ANK3: variants seen among roughly 807,000 people sequenced by gnomAD.
ANK3 encodes ankyrin 3.
In ANK3, 57 loss-of-function variants were observed where a neutral mutation model predicts 370.9. That is an observed-to-expected ratio of 0.15 (90% CI 0.12 to 0.19). The LOEUF (loss-of-function observed/expected upper bound fraction) is 0.19. ANK3 is among the 10% of genes least tolerant of loss of function. ANK3 has a pLI of 1.00. For missense variants in ANK3, 4,439 were observed against 5,302.1 expected (o/e 0.84, Z 5.06); for synonymous variants, 1,929 against 1,946.3 (o/e 0.99, Z 0.23).
chr10:60,609,478 G>A (rs1396438397), intron 2 of ANK3, among the ~76,000 whole-genome samples: 1 of 152,016 alleles, frequency 6.6e-6, no homozygotes, highest in African/African-American at 2.4e-5. Context: ...GACAATAGAT[G>A]TAGATGTGAC....
chr10:60,371,152 A>T (rs927711081), intron 1 of ANK3, among the ~76,000 whole-genome samples: 1 of 151,834 alleles, frequency 6.6e-6, no homozygotes, highest in Non-Finnish European at 1.5e-5. Context: ...AGTTTTCAAG[A>T]CTCCTTCAAT....
intron 23 of ANK3, chr10:60,146,069 T>C: frequency 3.9e-6 from 6 of 1,528,874 alleles, no homozygotes; most frequent in Non-Finnish European, 5.2e-6. Flanking sequence ...AAACAAAATA[T>C]AGGGACCACA....
chr10:60,209,380 G>T lies in ANK3; in HGVS notation c.997-1147C>A, dbSNP rs193196243. 6.9e-4 allele frequency among the ~76,000 whole-genome samples: 105 copies of T among 152,228 alleles called. No individual in the cohort carries two copies. In the South Asian group the frequency reaches 9.8e-3, roughly 14 times the overall value. On this transcript the variant is annotated intron_variant, in intron 9 of 43. Coordinates refer to ENST00000280772, the MANE Select transcript of ANK3 (RefSeq NM_020987.5). ...TTTATCAATGGATGACACAAAGAAG[G>T]AGTTCAAGATAAGAAAAAGTAGTAT...
chr10:60,400,361 CA>C (rs1193801868), intron 2 of ANK3, among the ~76,000 whole-genome samples: 1 of 152,088 alleles, frequency 6.6e-6, no homozygotes, highest in East Asian at 1.9e-4. Context: ...GGCTTCCAAC[CA>C]AAATCTTTTA....
chr10:60,290,961 A>T (rs181340849), intron 1 of ANK3, among the ~76,000 whole-genome samples: 1 of 152,204 alleles, frequency 6.6e-6, no homozygotes, highest in East Asian at 1.9e-4. Flanking sequence ...CAGTCTGTCC[A>T]CTATGATCTG....
intron 1 of ANK3, among the ~76,000 whole-genome samples, chr10:60,324,079 TAGA>T (rs781295943): frequency 2.0e-5 from 3 of 152,078 alleles, no homozygotes; most frequent in Non-Finnish European, 2.9e-5. Flanking sequence ...AGGTAGTAAC[TAGA>T]AGAAGACAGG....
chr10:60,673,620 G>C (rs1161219400), intron 1 of ANK3, among the ~76,000 whole-genome samples: 1 of 152,188 alleles, frequency 6.6e-6, no homozygotes, highest in Admixed American at 6.5e-5. Context: ...CCAAGGTGCT[G>C]GGATTACAGG....
chr10:60,681,970 A>G (rs1030607264), intron 1 of ANK3, among the ~76,000 whole-genome samples: 1 of 152,104 alleles, frequency 6.6e-6, no homozygotes, highest in Non-Finnish European at 1.5e-5. Context: ...TGGACAATAT[A>G]GCAAGACTCC....
intron 2 of ANK3, among the ~76,000 whole-genome samples, chr10:60,483,458 G>T (rs1029041877): frequency 2.0e-5 from 3 of 152,000 alleles, no homozygotes; most frequent in Non-Finnish European, 4.4e-5. Context: ...AACCCTTGCC[G>T]CCCATTTTCT....
At chr10:60,176,368 CAAAAAA>C (rs752384374) in intron 18 of ANK3, among the ~76,000 whole-genome samples, 1 of 102,352 alleles carries the variant, frequency 9.8e-6, no homozygotes, top group East Asian at 2.9e-4. Flanking sequence ...CTCTGTCTCC[CAAAAAA>C]AAAAAAAAAA....
At chr10:60,330,233 CT>C (rs558805431) in intron 1 of ANK3, among the ~76,000 whole-genome samples, 94 of 152,284 alleles carry the variant, frequency 6.2e-4, no homozygotes, top group African/African-American at 2.1e-3. Flanking sequence ...TGGGCGAAGA[CT>C]TCATGACCAA....
chr10:60,386,571 A>G (rs2062361665), intron 1 of ANK3, among the ~76,000 whole-genome samples: 1 of 151,544 alleles, frequency 6.6e-6, no homozygotes, highest in South Asian at 2.1e-4. Context: ...TCATGTACTC[A>G]TGATTAACAT....
chr10:60,114,971 T>C (rs1032176754), intron 25 of ANK3, among the ~76,000 whole-genome samples: 1 of 152,156 alleles, frequency 6.6e-6, no homozygotes, highest in Non-Finnish European at 1.5e-5. Flanking sequence ...GGGGTCACTG[T>C]TGTTGAACAG....
intron 1 of ANK3, among the ~76,000 whole-genome samples, chr10:60,297,187 C>T (rs951192608): frequency 3.9e-5 from 6 of 152,058 alleles, no homozygotes; most frequent in East Asian, 1.9e-4. Flanking sequence ...TTCTGAAAAG[C>T]GATTTTTACA....
At chr10:60,336,634 T>G (rs567033130) in intron 1 of ANK3, among the ~76,000 whole-genome samples, 6 of 152,190 alleles carry the variant, frequency 3.9e-5, no homozygotes, top group Non-Finnish European at 2.9e-5. Flanking sequence ...CTATATTTTC[T>G]AAAATGAATG....
intron 2 of ANK3, among the ~76,000 whole-genome samples, chr10:60,567,915 A>G (rs2077501652): frequency 6.6e-6 from 1 of 152,194 alleles, no homozygotes; most frequent in South Asian, 2.1e-4. Flanking sequence ...ACCTGAAGAC[A>G]TGATTGAATT....
chr10:60,079,226 C>CACACACACACACA (rs1564852646), intron 36 of ANK3, among the ~76,000 whole-genome samples: 35 of 143,850 alleles, frequency 2.4e-4, no homozygotes, highest in African/African-American at 4.7e-4. Flanking sequence ...CACACACACA[C>CACACACACACACA]CCCTCTTCTG....
Position 60,076,249 on chromosome 10 carries a change from C to A in ANK3, c.4632G>T (p.Ser1544=). The part of the protein sequence containing the change: ...ASPLKSIWSV[S]TPSPIKSTLG... Reference sequence around the variant, plus strand: ...ATGTGGATTTGATTGGAGAAGGTGTCGAAACAGACCATATTGATTTTAACG... The same window carrying A: ...ATGTGGATTTGATTGGAGAAGGTGTAGAAACAGACCATATTGATTTTAACG... Residue 1544 remains serine, a synonymous_variant, in exon 37 of 44, where the codon TCG becomes TCT. Transcript: ENST00000280772. The A allele has an allele frequency of 6.2e-7, 1 of 1,613,970 alleles. No individual in the cohort carries two copies. The highest frequency in any genetic ancestry group is 8.5e-7 in the Non-Finnish European group (1 of 1,179,948).
chr10:60,555,626 T>C (rs572953045), intron 2 of ANK3, among the ~76,000 whole-genome samples: 1 of 152,330 alleles, frequency 6.6e-6, no homozygotes, highest in Admixed American at 6.5e-5. Context: ...TTCTTCTGAA[T>C]AGGTCATTCT....
Sources: allele counts gnomAD v4.1 joint callset (sites outside exome capture counted in the v4.1 genomes callset), GRCh38; gene constraint gnomAD v4.1.1; transcripts MANE v1.5; gene names NCBI Gene and HGNC (gene_info 2026-07-23, HGNC 2026-07-21).